SLC7A1: variants seen among roughly 807,000 people sequenced by gnomAD.
SLC7A1 encodes the protein solute carrier family 7 member 1, also known as high affinity cationic amino acid transporter 1.
A neutral mutation model predicts 53.9 loss-of-function variants in SLC7A1; 10 were observed. That is an observed-to-expected ratio of 0.19 (90% CI 0.11 to 0.31). SLC7A1 has a LOEUF of 0.31. Among genes scored for constraint, SLC7A1 ranks in the 10% least tolerant of loss-of-function variants. The pLI is 1.00. For missense variants in SLC7A1, 525 were observed against 827.2 expected, an observed-to-expected ratio of 0.63 and a Z score of 4.48; for synonymous variants, 342 against 338.7, an observed-to-expected ratio of 1.01 and a Z score of -0.11.
chr13:29,522,006 A>G (rs1481667707), intron 8 of SLC7A1, among the ~76,000 whole-genome samples: 1 of 152,158 alleles, frequency 6.6e-6, no homozygotes, highest in Admixed American at 6.5e-5. Context: ...CCTGCCCTTG[A>G]CTACTCAGGG....
chr13:29,594,549 G>C (rs1489209627), intron 1 of SLC7A1, among the ~76,000 whole-genome samples: 1 of 152,210 alleles, frequency 6.6e-6, no homozygotes, highest in Non-Finnish European at 1.5e-5. Flanking sequence ...TGTACGCGCA[G>C]GTTTTAGAAT....
intron 1 of SLC7A1, among the ~76,000 whole-genome samples, chr13:29,578,497 G>A (rs760624461): frequency 2.0e-5 from 3 of 152,162 alleles, no homozygotes; most frequent in East Asian, 1.9e-4. Flanking sequence ...TTGGGCAAAC[G>A]TTGTGAGGCC....
At chr13:29,541,799 T>C (rs1179965534) in intron 2 of SLC7A1, among the ~76,000 whole-genome samples, 2 of 152,126 alleles carry the variant, frequency 1.3e-5, no homozygotes, top group Non-Finnish European at 2.9e-5. Flanking sequence ...TAACTTGTAA[T>C]AAAATATGAC....
chr13:29,517,695 T>G lies in SLC7A1; in HGVS notation c.1388A>C (p.Asp463Ala), dbSNP rs1230468276. 46 of 1,614,216 alleles carry G rather than the reference T, an allele frequency of 2.8e-5. No individual in the cohort carries two copies. Among genetic ancestry groups the G allele is most frequent in the Non-Finnish European group, 3.9e-5 (46 of 1,180,016 alleles). The change falls in exon 10 of 13, where the codon GAT (aspartate) becomes GCT (alanine). Residue 463 changes from aspartate to alanine, a missense_variant. Transcript: ENST00000380752. ...CTCTGGTAAAAAGCCCAGCTGGGAA[T>G]CATTGGTGCTTGCCAATTCATTTTG... is the stretch of plus-strand genomic sequence containing the variant. ...ADQNELASTNDSQLGFLPEAE... is the reference protein window; with the variant it reads ...ADQNELASTNASQLGFLPEAE...
intron 9 of SLC7A1, among the ~76,000 whole-genome samples, chr13:29,519,169 G>T (rs961701294): frequency 6.6e-6 from 1 of 152,084 alleles, no homozygotes; most frequent in African/African-American, 2.4e-5. Flanking sequence ...CAGGATCCTG[G>T]CCTAATAGTT....
chr13:29,517,044 G>A (rs904182644), intron 11 of SLC7A1, 100 bp downstream of exon 11: 14 of 1,193,160 alleles, frequency 1.2e-5, no homozygotes, highest in East Asian at 5.2e-5. Context: ...AACCTTCCTC[G>A]GGAGCACCCA....
intron 1 of SLC7A1, among the ~76,000 whole-genome samples, chr13:29,554,492 G>T (rs1023737208): frequency 1.3e-5 from 2 of 152,164 alleles, no homozygotes; most frequent in African/African-American, 4.8e-5. Context: ...AATCGTGCTG[G>T]CCAGTGACTG....
chr13:29,593,765 T>C (rs1370361802), intron 1 of SLC7A1, among the ~76,000 whole-genome samples: 4 of 138,878 alleles, frequency 2.9e-5, no homozygotes, highest in Non-Finnish European at 6.5e-5. Context: ...AAGCCTTTCT[T>C]TTTTTTTTTC....
At chr13:29,567,356 A>G (rs1429387073) in intron 1 of SLC7A1, among the ~76,000 whole-genome samples, 1 of 152,204 alleles carries the variant, frequency 6.6e-6, no homozygotes, top group Non-Finnish European at 1.5e-5. Flanking sequence ...GGTGGCTTAC[A>G]TAGGTAAGCA....
At chr13:29,574,356 T>C (rs1027724447) in intron 1 of SLC7A1, among the ~76,000 whole-genome samples, 1 of 152,230 alleles carries the variant, frequency 6.6e-6, no homozygotes, top group Non-Finnish European at 1.5e-5. Flanking sequence ...AGTACATTTT[T>C]TATTAATTTT....
intron 1 of SLC7A1, among the ~76,000 whole-genome samples, chr13:29,573,186 T>C (rs1871271567): frequency 6.6e-6 from 1 of 152,140 alleles, no homozygotes; most frequent in South Asian, 2.1e-4. Flanking sequence ...TGATAAAATA[T>C]TTATATTCCT....
chr13:29,580,989 C>T (rs1441721213), intron 1 of SLC7A1, among the ~76,000 whole-genome samples: 1 of 152,162 alleles, frequency 6.6e-6, no homozygotes, highest in Non-Finnish European at 1.5e-5. Context: ...CCAGCCTTGG[C>T]TCACATTTTA....
chr13:29,533,592 C>T (rs1869272708), intron 3 of SLC7A1, among the ~76,000 whole-genome samples: 1 of 152,206 alleles, frequency 6.6e-6, no homozygotes, highest in Non-Finnish European at 1.5e-5. Flanking sequence ...ACCTCTGCCA[C>T]TTTTTGCCTG....
intron 1 of SLC7A1, among the ~76,000 whole-genome samples, chr13:29,591,607 C>T (rs950448768): frequency 3.3e-5 from 5 of 152,110 alleles, no homozygotes; most frequent in African/African-American, 7.2e-5. Flanking sequence ...GCCAAGAATC[C>T]GATCTGAACA....
At position 29,535,997 on chromosome 13, in the gene SLC7A1, A is replaced by C; in HGVS notation, c.192T>G (p.Pro64=). Residue 64 remains proline, a synonymous_variant, in exon 3 of 13, where the codon CCT becomes CCG. Coordinates refer to ENST00000380752, the MANE Select transcript of SLC7A1 (RefSeq NM_003045.5). Reference sequence around the variant, plus strand: ...CGATCAGGAAGGAGATGACAATGGCAGGGCCTGCATTCTCACGGGCCACAG... The same window carrying C: ...CGATCAGGAAGGAGATGACAATGGCCGGGCCTGCATTCTCACGGGCCACAG... ...AGAVARENAG[P]AIVISFLIAA... 1 of 1,614,126 alleles carries C rather than the reference A, an allele frequency of 6.2e-7. No homozygotes were observed. Among genetic ancestry groups the C allele is most frequent in the South Asian group, 1.1e-5 (1 of 91,086 alleles).
chr13:29,568,388 A>G (rs1871056292), intron 1 of SLC7A1, among the ~76,000 whole-genome samples: 1 of 152,244 alleles, frequency 6.6e-6, no homozygotes, highest in Non-Finnish European at 1.5e-5. Flanking sequence ...ACCTGGAATC[A>G]GGTCTTAAAA....
intron 1 of SLC7A1, among the ~76,000 whole-genome samples, chr13:29,567,698 A>C (rs1295140169): frequency 1.3e-5 from 2 of 152,300 alleles, no homozygotes; most frequent in Admixed American, 6.5e-5. Context: ...ACAGTGCGGC[A>C]GTTCTAAAGA....
In SLC7A1 at chr13:29,517,275, G is replaced by C; in HGVS notation, c.1546C>G (p.Leu516Val). ...CCTTTGGTGAGAGCCTCCCTTCCAA[G>C]CACGGTCACAATGCAGAAGGTGATG... ...LIITFCIVTV[L>V]GREALTKGAL... is the part of the protein sequence containing the mutation. Residue 516 changes from leucine (L) to valine (V), a missense_variant, in exon 11 of 13, where the codon CTT becomes GTT. Around this residue, in one of 4 missense-constraint regions of SLC7A1, gnomAD observed 122 missense variants for 140.9 expected, o/e 0.87. Transcript: ENST00000380752. The C allele has an allele frequency of 6.2e-7, 1 of 1,613,314 alleles. No homozygotes were observed. Among genetic ancestry groups the C allele is most frequent in the Non-Finnish European group, 8.5e-7 (1 of 1,179,710 alleles).
chr13:29,539,590 C>T (rs1452147823), intron 2 of SLC7A1, among the ~76,000 whole-genome samples: 3 of 152,184 alleles, frequency 2.0e-5, no homozygotes, highest in Non-Finnish European at 4.4e-5. Flanking sequence ...CTGTGCACAG[C>T]TGCGCTCATT....
Sources: allele counts gnomAD v4.1 joint callset (sites outside exome capture counted in the v4.1 genomes callset), GRCh38; gene constraint gnomAD v4.1.1; regional missense constraint gnomAD v4.1.1; transcripts MANE v1.5; gene names NCBI Gene and HGNC (gene_info 2026-07-23, HGNC 2026-07-21).